CDH13: variants seen among roughly 807,000 people sequenced by gnomAD.
CDH13 encodes cadherin 13, also known as cadherin-13.
Under a neutral mutation model 63.8 loss-of-function variants are expected in CDH13, and 24 were observed. The ratio of observed to expected loss-of-function variants is 0.38; its 90% confidence interval spans 0.27 to 0.53. CDH13 has a LOEUF of 0.53. Ranked by LOEUF, CDH13 falls within the 20% of genes least tolerant of loss-of-function variation. The probability of loss-of-function intolerance (pLI) is 0.85; values close to 1 mark genes in which losing one functional copy is unlikely to be tolerated. For missense variants in CDH13, 1,049 were observed against 903.1 expected, an observed-to-expected ratio of 1.16 and a Z score of -2.07; for synonymous variants, 503 against 355.3, an observed-to-expected ratio of 1.42 and a Z score of -4.67.
intron 5 of CDH13, among the ~76,000 whole-genome samples, chr16:83,245,480 C>T (rs1026108193): frequency 8.5e-5 from 13 of 152,204 alleles, no homozygotes; most frequent in Non-Finnish European, 1.6e-4. Context: ...GTGCTGAAGC[C>T]GCACTGGCCT....
chr16:83,004,965 C>A lies in CDH13; in HGVS notation c.158-27045C>A, dbSNP rs545585913. Among the ~76,000 whole-genome samples the A allele has an allele frequency of 2.0e-5, 3 of 152,320 alleles. 1 individual carries two copies. The highest frequency in any genetic ancestry group is 7.2e-5 in the African/African-American group (3 of 41,578). On this transcript the variant is annotated intron_variant, in intron 2 of 13. Transcript: ENST00000567109. ...CCATAGCCAGGCTGTAGGAAACAGA[C>A]TGGGAGGAACAGGAGAAGAGCATCT... is the stretch of plus-strand genomic sequence containing the variant.
intron 2 of CDH13, among the ~76,000 whole-genome samples, chr16:82,977,722 G>A (rs935993552): frequency 6.6e-6 from 1 of 152,166 alleles, no homozygotes; most frequent in East Asian, 1.9e-4. Flanking sequence ...TTGGTTCTGA[G>A]GGAGCAGGGT....
At chr16:82,959,147 T>A (rs9926368) in intron 2 of CDH13, among the ~76,000 whole-genome samples, 46,045 of 152,156 alleles carry the variant, frequency 0.3, 8,078 homozygotes, top group African/African-American at 0.49. Flanking sequence ...ACACAACAAG[T>A]AAATTTCCCC....
rs966360446 is a variant in CDH13 at position 82,829,009 on chromosome 16, G to T, written c.46-29353G>T. ...ACAAGATTAGATACCTTAGGCTAGA[G>T]CGATGGGTTTTAGAAAAAAGGTGGA... is the stretch of plus-strand genomic sequence containing the variant. On this transcript the variant is annotated intron_variant, in intron 1 of 13. Coordinates refer to ENST00000567109, the MANE Select transcript of CDH13 (RefSeq NM_001257.5). Among the ~76,000 whole-genome samples, 4 of 152,104 alleles carry T rather than the reference G, an allele frequency of 2.6e-5. No individual in the cohort carries two copies. In the East Asian group the frequency reaches 5.8e-4, roughly 22 times the overall value.
chr16:82,790,581 T>C (rs2036251544), intron 1 of CDH13, among the ~76,000 whole-genome samples: 1 of 152,148 alleles, frequency 6.6e-6, no homozygotes, highest in Admixed American at 6.5e-5. Flanking sequence ...CATAGTAGGG[T>C]AGTGTATTAG....
chr16:83,550,158 C>T (rs1191307573), intron 7 of CDH13, among the ~76,000 whole-genome samples: 1 of 152,216 alleles, frequency 6.6e-6, no homozygotes, highest in African/African-American at 2.4e-5. Flanking sequence ...TATTCTCCAA[C>T]GTGGCTGTGT....
chr16:82,880,399 G>A (rs535589578), intron 2 of CDH13, among the ~76,000 whole-genome samples: 1 of 152,152 alleles, frequency 6.6e-6, no homozygotes, highest in Admixed American at 6.5e-5. Flanking sequence ...TACTAATGTG[G>A]ATATTGAATG....
rs180902327 is a variant in CDH13, at chr16:83,743,476, G to A, written c.1539-4632G>A. Among the ~76,000 whole-genome samples, 74 of 152,248 alleles carry A rather than the reference G, an allele frequency of 4.9e-4. 2 individuals carry two copies. Among genetic ancestry groups the A allele is most frequent in the Admixed American group, 4.7e-3 (72 of 15,302 alleles). ...CAACTGCTTCTTTGACAAGAAACAA[G>A]CAAACATGCTAATTGTACAACAAAA... On this transcript the variant is annotated intron_variant, in intron 10 of 13. Coordinates refer to ENST00000567109, the MANE Select transcript of CDH13 (RefSeq NM_001257.5).
rs377259346 is a variant in CDH13 at position 82,978,899 on chromosome 16, A to T, written c.158-53111A>T. 1.7e-3 allele frequency among the ~76,000 whole-genome samples: 258 copies of T among 151,520 alleles called. 1 individual carries two copies. Among genetic ancestry groups the T allele is most frequent in the African/African-American group, 6.1e-3 (250 of 41,212 alleles). ...CCACCGACAGCTTGCACCACCATGC[A>T]CCTGGAAAAGCCACAGACACTCAAA... On this transcript the variant is annotated intron_variant, in intron 2 of 13. Transcript: ENST00000567109.
intron 13 of CDH13, 139 bp downstream of exon 13, chr16:83,783,611 G>A (rs1701540249): frequency 1.3e-6 from 1 of 745,402 alleles, no homozygotes; most frequent in Admixed American, 2.0e-5. Flanking sequence ...ATGTCTGTAT[G>A]ATAGAACATG....
At chr16:82,843,411 A>G (rs756894405) in intron 1 of CDH13, among the ~76,000 whole-genome samples, 8 of 152,336 alleles carry the variant, frequency 5.3e-5, no homozygotes, top group African/African-American at 9.6e-5. Context: ...ACTGTCTACC[A>G]GGCAGTTAGA....
chr16:83,251,632 T>C (rs961042472), intron 5 of CDH13, among the ~76,000 whole-genome samples: 1 of 152,228 alleles, frequency 6.6e-6, no homozygotes, highest in Non-Finnish European at 1.5e-5. Context: ...GCACATCACC[T>C]GTCTCTCCTG....
chr16:82,975,669 G>T (rs1909400990), intron 2 of CDH13, among the ~76,000 whole-genome samples: 1 of 152,156 alleles, frequency 6.6e-6, no homozygotes, highest in Non-Finnish European at 1.5e-5. Context: ...TCAACTCCAA[G>T]AAAATTGGAT....
chr16:83,591,754 C>T (rs926984179), intron 7 of CDH13, among the ~76,000 whole-genome samples: 5 of 152,212 alleles, frequency 3.3e-5, no homozygotes, highest in African/African-American at 1.2e-4. Flanking sequence ...TGCCTGCTGC[C>T]CTGGGGAGCC....
At chr16:83,049,138 T>G (rs1276801115) in intron 3 of CDH13, among the ~76,000 whole-genome samples, 2 of 152,092 alleles carry the variant, frequency 1.3e-5, no homozygotes, top group Non-Finnish European at 2.9e-5. Flanking sequence ...AAGCGATACT[T>G]AATTACTTTC....
intron 2 of CDH13, among the ~76,000 whole-genome samples, chr16:82,918,506 C>CTTTTTTTT (rs34099579): frequency 8.4e-6 from 1 of 119,726 alleles, no homozygotes; most frequent in Non-Finnish European, 1.8e-5. Context: ...TACACTTTCA[C>CTTTTTTTT]TTTTTTTTTT....
intron 4 of CDH13, among the ~76,000 whole-genome samples, chr16:83,132,566 C>T (rs2036104456): frequency 6.6e-6 from 1 of 151,366 alleles, no homozygotes; most frequent in African/African-American, 2.4e-5. Flanking sequence ...TCCTGCTCAG[C>T]CTCCCTAACT....
rs544292980 is a variant in CDH13 at position 83,592,280 on chromosome 16, C to G, written c.961-10174C>G. ...ACATTCTGACCCCCTTCATGTAAAC[C>G]TTAATTGGTATTAATACCATTCTGA... On this transcript the variant is annotated intron_variant, in intron 7 of 13. Transcript: ENST00000567109. 4.6e-5 allele frequency among the ~76,000 whole-genome samples: 7 copies of G among 152,324 alleles called. No individual in the cohort carries two copies. The East Asian group carries it at 1.3e-3, about 29-fold the overall frequency.
intron 12 of CDH13, among the ~76,000 whole-genome samples, chr16:83,781,975 G>A (rs1228025772): frequency 6.6e-6 from 1 of 151,732 alleles, no homozygotes; most frequent in African/African-American, 2.4e-5. Context: ...CTCTACTAAA[G>A]GAAGATGGGA....
Sources: gnomAD v4.1 joint callset for allele counts (sites outside exome capture counted in the v4.1 genomes callset) on GRCh38, gnomAD v4.1.1 for gene constraint, MANE v1.5 for transcripts, NCBI Gene and HGNC (gene_info 2026-07-23, HGNC 2026-07-21) for gene names.